The following SCAND3 variants were observed in gnomAD, a reference collection of about 807,000 sequenced individuals.
The protein encoded by SCAND3 is SCAN domain-containing protein 3.
At chr6:28,586,533 TC>T in the SCAND3 span, 3 of 1,614,220 alleles carry the variant, frequency 1.9e-6, no homozygotes, top group Admixed American at 5.0e-5. This position sits in a 1 kb window ranked among gnomAD's most constrained non-coding sequence, Gnocchi z 4.4. Flanking sequence ...CCCAGGTGTC[TC>T]CTGATAGCAG....
chr6:28,576,317 T>A, the SCAND3 span, among the ~76,000 whole-genome samples: 1 of 152,164 alleles, frequency 6.6e-6, no homozygotes, highest in African/African-American at 2.4e-5. Flanking sequence ...TAGAGTGCAG[T>A]GGCACAATCT....
chr6:28,604,564 C>G, the SCAND3 span, among the ~76,000 whole-genome samples: 1 of 149,616 alleles, frequency 6.7e-6, no homozygotes, highest in Admixed American at 6.7e-5. Flanking sequence ...TGCAGCGAGT[C>G]GAGATCATGC....
the SCAND3 span, chr6:28,571,863 T>C: frequency 6.3e-7 from 1 of 1,589,636 alleles, no homozygotes; most frequent in South Asian, 1.2e-5. Context: ...ACTCAATGCT[T>C]ATATGCATAC....
At chr6:28,575,437 T>A in the SCAND3 span, 1 of 1,613,972 alleles carries the variant, frequency 6.2e-7, no homozygotes, top group Admixed American at 1.7e-5. This position sits in a 1 kb window ranked among gnomAD's most constrained non-coding sequence, Gnocchi z 4.2. Context: ...TGTAAATATA[T>A]CTAAAAGAGC....
the SCAND3 span, chr6:28,573,804 G>T: frequency 6.5e-7 from 1 of 1,535,780 alleles, no homozygotes; most frequent in Non-Finnish European, 8.7e-7. Context: ...TGACAAAAAA[G>T]TCCAGTGAAG....
the SCAND3 span, chr6:28,591,351 A>G: frequency 6.6e-6 from 1 of 152,158 alleles, no homozygotes; most frequent in Admixed American, 6.6e-5. Context: ...GGGTCTACCA[A>G]TTCCTTTAGG....
chr6:28,610,162 T>A, the SCAND3 span, among the ~76,000 whole-genome samples: 8 of 152,104 alleles, frequency 5.3e-5, no homozygotes, highest in African/African-American at 1.9e-4. Context: ...AAGGCTTTTT[T>A]CCCCCCAGGT....
chr6:28,602,835 G>T, the SCAND3 span, among the ~76,000 whole-genome samples: 1 of 151,260 alleles, frequency 6.6e-6, no homozygotes, highest in African/African-American at 2.4e-5. Flanking sequence ...TTAATCTAGT[G>T]TATTTATGGA....
the SCAND3 span, chr6:28,574,647 G>A: frequency 0.49 from 789,620 of 1,608,040 alleles, 202,905 homozygotes; most frequent in African/African-American, 0.87. Context: ...ATCTTACCCA[G>A]TCTCCTACTT....
the SCAND3 span, among the ~76,000 whole-genome samples, chr6:28,609,143 A>G: frequency 6.6e-6 from 1 of 152,224 alleles, no homozygotes; most frequent in Admixed American, 6.5e-5. Flanking sequence ...TTAACATTGT[A>G]ATGGAGGTAT....
At chr6:28,597,849 C>G in the SCAND3 span, 8 of 152,136 alleles carry the variant, frequency 5.3e-5, no homozygotes, top group Non-Finnish European at 1.0e-4. Context: ...CAAACTACAA[C>G]GAACAATAAA....
the SCAND3 span, among the ~76,000 whole-genome samples, chr6:28,601,033 G>A: frequency 6.6e-6 from 1 of 151,216 alleles, no homozygotes; most frequent in Admixed American, 6.6e-5. Flanking sequence ...CTCCGGAGTA[G>A]CTGGGACTAC....
the SCAND3 span, chr6:28,579,200 T>C: frequency 7.2e-7 from 1 of 1,381,864 alleles, no homozygotes; most frequent in Non-Finnish European, 9.9e-7. The surrounding 1 kb of genome is among the most constrained non-coding windows in gnomAD (Gnocchi z 4.5). Context: ...GAATGAGGTT[T>C]GATAACTTTC....
chr6:28,594,478 A>G, the SCAND3 span, among the ~76,000 whole-genome samples: 2 of 152,190 alleles, frequency 1.3e-5, no homozygotes, highest in Non-Finnish European at 2.9e-5. Flanking sequence ...AATGGGGTGA[A>G]ACCCCGTTTC....
At chr6:28,593,914 C>T in the SCAND3 span, among the ~76,000 whole-genome samples, 1 of 151,976 alleles carries the variant, frequency 6.6e-6, no homozygotes, top group Non-Finnish European at 1.5e-5. Context: ...TTATGTTAGC[C>T]AGGCTGCTCT....
chr6:28,579,470 T>C, the SCAND3 span: 1 of 1,511,298 alleles, frequency 6.6e-7, no homozygotes, highest in African/African-American at 1.4e-5. The surrounding 1 kb of genome is among the most constrained non-coding windows in gnomAD (Gnocchi z 4.5). Flanking sequence ...TTGTAGTTTG[T>C]CATAGCTAAA....
chr6:28,582,600 A>G, the SCAND3 span, among the ~76,000 whole-genome samples: 1 of 152,182 alleles, frequency 6.6e-6, no homozygotes, highest in Non-Finnish European at 1.5e-5. The surrounding 1 kb of genome is among the most constrained non-coding windows in gnomAD (Gnocchi z 4.8). Context: ...CACCTACACA[A>G]CTTTGTCACT....
At chr6:28,571,864 A>AT in the SCAND3 span, 1 of 1,590,586 alleles carries the variant, frequency 6.3e-7, no homozygotes, top group Non-Finnish European at 8.5e-7. Flanking sequence ...CTCAATGCTT[A>AT]TATGCATACT....
At chr6:28,575,680 A>G in the SCAND3 span, 1 of 1,614,178 alleles carries the variant, frequency 6.2e-7, no homozygotes. The surrounding 1 kb of genome is among the most constrained non-coding windows in gnomAD (Gnocchi z 4.2). Context: ...ATACAGCATT[A>G]TAACTTCTTT....
Sources: allele counts gnomAD v4.1 joint callset (sites outside exome capture counted in the v4.1 genomes callset), GRCh38; gene constraint gnomAD v4.1.1; non-coding constraint Gnocchi (gnomAD v3.1); transcripts MANE v1.5; gene names NCBI Gene and HGNC (gene_info 2026-07-23, HGNC 2026-07-21).